Variants in XPO4 observed in about 807,000 individuals in gnomAD.
XPO4 encodes the protein exportin 4, also known as exportin-4.
In XPO4, 39 loss-of-function variants were observed where a neutral mutation model predicts 143.0. The observed-to-expected ratio is 0.27, with a 90% CI of 0.21 to 0.36. The LOEUF (loss-of-function observed/expected upper bound fraction) is 0.36, where lower values mean the gene tolerates loss of function less well. Ranked by LOEUF, XPO4 falls within the 10% of genes least tolerant of loss-of-function variation. The pLI, the probability that XPO4 is intolerant of heterozygous loss-of-function variation, is 1.00. For missense variants in XPO4, 907 were observed against 1,348.0 expected, an observed-to-expected ratio of 0.67 and a Z score of 5.12; for synonymous variants, 439 against 474.0, an observed-to-expected ratio of 0.93 and a Z score of 0.96.
intron 1 of XPO4, among the ~76,000 whole-genome samples, chr13:20,891,668 G>C (rs930103942): frequency 2.6e-5 from 4 of 151,956 alleles, no homozygotes; most frequent in South Asian, 4.1e-4. Flanking sequence ...TTCAAGACCA[G>C]CCTGGGCAAC....
chr13:20,850,921 A>G (rs2060078586), intron 4 of XPO4: 1 of 985,416 alleles, frequency 1.0e-6, no homozygotes, highest in Non-Finnish European at 1.2e-6. Flanking sequence ...TGGTTCATGA[A>G]GTCAACCCTT....
Position 20,789,759 on chromosome 13 carries a change from T to C in XPO4, c.2916+703A>G, listed in dbSNP as rs190214827. ...ACTCCTTGTCTTTATCTCGTGTGTG[T>C]GTGCACACGCATGCATGCATGCACA... On this transcript the variant is annotated intron_variant, in intron 19 of 22. Coordinates refer to ENST00000255305, the MANE Select transcript of XPO4 (RefSeq NM_022459.5). 6.6e-3 allele frequency among the ~76,000 whole-genome samples: 994 copies of C among 149,542 alleles called. 9 individuals carry two copies. Among genetic ancestry groups the C allele is most frequent in the African/African-American group, 0.022 (896 of 41,158 alleles).
At chr13:20,839,317 A>G (rs1207181736) in intron 6 of XPO4, among the ~76,000 whole-genome samples, 1 of 152,172 alleles carries the variant, frequency 6.6e-6, no homozygotes, top group Admixed American at 6.5e-5. Context: ...TTTATACGCT[A>G]TGTCTAGAAT....
intron 18 of XPO4, among the ~76,000 whole-genome samples, chr13:20,792,615 C>T (rs910678038): frequency 8.7e-5 from 13 of 149,032 alleles, no homozygotes; most frequent in African/African-American, 2.5e-4. Flanking sequence ...GGCCTGGTGG[C>T]GGGTTCCTAT....
chr13:20,822,134 A>G lies in XPO4; in HGVS notation c.996T>C (p.Asn332=), dbSNP rs530319167. The change falls in exon 8 of 23, where the codon AAT becomes AAC. Residue 332 remains asparagine, a splice_region_variant and synonymous_variant. Transcript: ENST00000255305. ...CTGCAAAGGGCAAGTATACCTACCC[A>G]TTGATAGTATTCAGTAATCCCTCAA... ...HFIEGLLNTI[N]GIEIEDSEAV... 2.7e-5 allele frequency: 44 copies of G among 1,610,904 alleles called. 1 individual carries two copies. Among genetic ancestry groups the G allele is most frequent in the African/African-American group, 2.1e-4 (16 of 74,986 alleles).
chr13:20,869,656 TAA>T, intron 1 of XPO4: 1 of 712,354 alleles, frequency 1.4e-6, no homozygotes. Context: ...GTCAAAATAA[TAA>T]AAAAAAAAGT....
intron 2 of XPO4, 114 bp downstream of exon 2, chr13:20,868,482 T>C: frequency 6.5e-6 from 9 of 1,376,480 alleles, no homozygotes; most frequent in Non-Finnish European, 8.5e-6. Context: ...TTTAAATAAT[T>C]GTAACTACAC....
At chr13:20,902,511 C>G (rs1239813140) in intron 1 of XPO4, 159 bp downstream of exon 1, 1 of 985,298 alleles carries the variant, frequency 1.0e-6, no homozygotes, top group Non-Finnish European at 1.2e-6. Flanking sequence ...GGAAAGTAGG[C>G]TGAAGAATCC....
intron 1 of XPO4, among the ~76,000 whole-genome samples, chr13:20,901,009 C>T (rs1269138625): frequency 6.6e-6 from 1 of 152,126 alleles, no homozygotes; most frequent in Non-Finnish European, 1.5e-5. Context: ...CAACATATGA[C>T]AGATGGGGTA....
chr13:20,814,292 ACATAAAAG>A (rs2059621162), intron 9 of XPO4, among the ~76,000 whole-genome samples: 1 of 151,976 alleles, frequency 6.6e-6, no homozygotes, highest in Non-Finnish European at 1.5e-5. Flanking sequence ...TTATTCATAT[ACATAAAAG>A]TATAACTAAA....
chr13:20,811,407 C>G (rs1262190767), intron 9 of XPO4, among the ~76,000 whole-genome samples: 1 of 151,528 alleles, frequency 6.6e-6, no homozygotes, highest in Admixed American at 6.6e-5. Flanking sequence ...CCTGCCTCAG[C>G]CTCCTGAGTA....
intron 9 of XPO4, among the ~76,000 whole-genome samples, chr13:20,814,489 A>AATT (rs1358514603): frequency 2.6e-5 from 4 of 152,374 alleles, no homozygotes; most frequent in African/African-American, 7.2e-5. Flanking sequence ...TTTTGGAGAT[A>AATT]ATATAACTCA....
rs969159113 is a variant in XPO4, at chr13:20,783,837, T to C, written c.3341A>G (p.Asn1114Ser). 2.5e-6 allele frequency: 4 copies of C among 1,614,234 alleles called. No homozygotes were observed. Among genetic ancestry groups the C allele is most frequent in the Admixed American group, 1.7e-5 (1 of 60,030 alleles). ...AGGAGTGCTGCTTGCAGTGAGCTTG[T>C]TGAAGGCATCTGCTAATCTCTGGTA... ...VIYQRLADAF[N>S]KLTASSTPPT... The change falls in exon 23 of 23, where the codon AAC (asparagine) becomes AGC (serine). Residue 1114 changes from asparagine to serine, a missense_variant. Coordinates refer to ENST00000255305, the MANE Select transcript of XPO4 (RefSeq NM_022459.5).
At chr13:20,786,179 G>C (rs1369175660) in intron 22 of XPO4, among the ~76,000 whole-genome samples, 2 of 151,988 alleles carry the variant, frequency 1.3e-5, no homozygotes, top group Non-Finnish European at 2.9e-5. Flanking sequence ...AGATGTTACG[G>C]GAAGTCTAGA....
At chr13:20,831,804 A>ATTTTTTTTTT (rs34302388) in intron 6 of XPO4, among the ~76,000 whole-genome samples, 1 of 88,756 alleles carries the variant, frequency 1.1e-5, no homozygotes, top group Non-Finnish European at 2.1e-5. Flanking sequence ...TAGTACAGTG[A>ATTTTTTTTTT]TTTTTTTTTT....
chr13:20,833,169 T>C (rs2059873859), intron 6 of XPO4, among the ~76,000 whole-genome samples: 1 of 152,130 alleles, frequency 6.6e-6, no homozygotes. Context: ...ACTGAGCTAA[T>C]ACTTCTGAAC....
intron 6 of XPO4, among the ~76,000 whole-genome samples, chr13:20,838,559 G>A (rs1669566910): frequency 1.4e-5 from 2 of 146,252 alleles, no homozygotes; most frequent in Non-Finnish European, 3.0e-5. Flanking sequence ...GTAGTGAGCC[G>A]AGATCATGCC....
At chr13:20,818,008 C>T (rs2059671568) in intron 9 of XPO4, among the ~76,000 whole-genome samples, 2 of 152,222 alleles carry the variant, frequency 1.3e-5, no homozygotes, top group Middle Eastern at 3.4e-3. Flanking sequence ...GTTGGCCAGG[C>T]TGGTCTCCTC....
intron 4 of XPO4, among the ~76,000 whole-genome samples, chr13:20,854,013 G>A (rs2060116222): frequency 6.6e-6 from 1 of 152,174 alleles, no homozygotes; most frequent in African/African-American, 2.4e-5. Context: ...CTTGACTATG[G>A]TAGGAGTTTA....
Sources: allele counts gnomAD v4.1 joint callset (sites outside exome capture counted in the v4.1 genomes callset), GRCh38; gene constraint gnomAD v4.1.1; transcripts MANE v1.5; gene names NCBI Gene and HGNC (gene_info 2026-07-23, HGNC 2026-07-21).